Variants in CCDC88C observed in about 807,000 individuals in gnomAD.
CCDC88C encodes the protein protein Daple.
Under a neutral mutation model 198.8 loss-of-function variants are expected in CCDC88C, and 131 were observed. That is an observed-to-expected ratio of 0.66 (90% CI 0.57 to 0.76). The LOEUF (loss-of-function observed/expected upper bound fraction) is 0.76, where lower values mean the gene tolerates loss of function less well. CCDC88C is among the 30% of genes least tolerant of loss of function. The pLI, the probability that CCDC88C is intolerant of heterozygous loss-of-function variation, is 0.00. For missense variants in CCDC88C, 2,553 were observed against 2,631.6 expected, an observed-to-expected ratio of 0.97 and a Z score of 0.65; for synonymous variants, 1,166 against 1,114.7, an observed-to-expected ratio of 1.05 and a Z score of -0.92.
At chr14:91,311,885 T>C (rs762402552) in intron 15 of CCDC88C, among the ~76,000 whole-genome samples, 2 of 152,024 alleles carry the variant, frequency 1.3e-5, no homozygotes, top group Admixed American at 6.6e-5. Flanking sequence ...TGAAGGTCTA[T>C]GTATACAAGG....
chr14:91,286,670 C>G (rs1445639206), intron 25 of CCDC88C, among the ~76,000 whole-genome samples: 2 of 152,190 alleles, frequency 1.3e-5, no homozygotes, highest in Non-Finnish European at 2.9e-5. Flanking sequence ...AATAAGGGAC[C>G]AACTTATTCA....
intron 3 of CCDC88C, among the ~76,000 whole-genome samples, chr14:91,399,494 T>A (rs1159848943): frequency 6.6e-6 from 1 of 152,138 alleles, no homozygotes; most frequent in Non-Finnish European, 1.5e-5. Context: ...ACCTGTGCAT[T>A]CTCCAAATGG....
chr14:91,340,125 C>T, intron 6 of CCDC88C, 101 bp from the exon 7 acceptor site: 3 of 1,481,670 alleles, frequency 2.0e-6, no homozygotes, highest in Admixed American at 4.1e-5. Context: ...CTTACTAATC[C>T]CTCAGTGACA....
chr14:91,340,577 T>C (rs971797902), intron 6 of CCDC88C, among the ~76,000 whole-genome samples: 3 of 152,072 alleles, frequency 2.0e-5, no homozygotes, highest in Non-Finnish European at 4.4e-5. Context: ...GGAACGGAGA[T>C]ACACAGCTCT....
chr14:91,417,032 G>C, intron 1 of CCDC88C, 194 bp from the exon 2 acceptor site: 2 of 697,278 alleles, frequency 2.9e-6, no homozygotes, highest in South Asian at 3.0e-5. Flanking sequence ...CGGGGCAACA[G>C]ACACGAGACA....
intron 27 of CCDC88C, 46 bp downstream of exon 27, chr14:91,281,411 C>T: frequency 1.2e-6 from 2 of 1,613,156 alleles, no homozygotes; most frequent in Non-Finnish European, 8.5e-7. Context: ...GGATAAAAAC[C>T]AGTCTGGAAA....
chr14:91,341,477 G>T (rs1712627211), intron 6 of CCDC88C, among the ~76,000 whole-genome samples: 1 of 152,232 alleles, frequency 6.6e-6, no homozygotes, highest in Admixed American at 6.5e-5. Flanking sequence ...GCCAGCTGTG[G>T]AAGCTGGTAG....
intron 10 of CCDC88C, among the ~76,000 whole-genome samples, chr14:91,332,390 GT>G (rs1199131995): frequency 6.6e-6 from 1 of 152,160 alleles, no homozygotes; most frequent in Admixed American, 6.5e-5. Flanking sequence ...TACTCATTTT[GT>G]TTTTTCACCT....
At chr14:91,295,827 A>T (rs1370086269) in intron 22 of CCDC88C, among the ~76,000 whole-genome samples, 2 of 152,164 alleles carry the variant, frequency 1.3e-5, no homozygotes, top group East Asian at 3.8e-4. Context: ...CTGCATTTGG[A>T]GACAGGGTCC....
In CCDC88C at chr14:91,283,356, TG is replaced by T; in HGVS notation, c.4602del (p.Ile1535SerfsTer39). The T allele has an allele frequency of 6.2e-7, 1 of 1,613,132 alleles. No homozygotes were observed. The highest frequency in any genetic ancestry group is 1.7e-5 in the Admixed American group (1 of 59,938). On this transcript the variant is annotated frameshift_variant, in exon 26 of 30. Coordinates refer to ENST00000389857, the MANE Select transcript of CCDC88C (RefSeq NM_001080414.4). LOFTEE classifies it high-confidence loss of function. Reference protein sequence around the residue: ...ATTTAPSNSTPIARHPGRTKG... With the variant: ...ATTTAPSNSTXIARHPGRTKG... ...TTGGTGCGGCCTGGGTGCCGGGCGA[TG>T]GGGGTGGAGTTGGAAGGGGCTGTAG...
chr14:91,345,190 A>ATATATATATATATATTTT (rs1246878587), intron 4 of CCDC88C, among the ~76,000 whole-genome samples: 1 of 52,200 alleles, frequency 1.9e-5, no homozygotes, highest in African/African-American at 7.9e-5. Context: ...ATATATATAT[A>ATATATATATATATATTTT]TTTTTTTTTT....
intron 3 of CCDC88C, among the ~76,000 whole-genome samples, chr14:91,375,815 G>A (rs956846156): frequency 1.3e-5 from 2 of 152,124 alleles, no homozygotes; most frequent in African/African-American, 4.8e-5. Context: ...CGAGTGGGGG[G>A]CAAATGTCTC....
chr14:91,382,646 C>T (rs1389713502), intron 3 of CCDC88C, among the ~76,000 whole-genome samples: 2 of 152,168 alleles, frequency 1.3e-5, no homozygotes, highest in Admixed American at 1.3e-4. Context: ...GAAATTAAAT[C>T]TGACCTCAGC....
intron 3 of CCDC88C, among the ~76,000 whole-genome samples, chr14:91,403,257 CA>C (rs2140004766): frequency 1.3e-5 from 2 of 152,340 alleles, no homozygotes; most frequent in East Asian, 3.9e-4. Flanking sequence ...GTCCCGATCT[CA>C]CTGGATGAGA....
rs897167813 is a variant in CCDC88C at position 91,299,988 on chromosome 14, C to G, written c.3718G>C (p.Glu1240Gln). ...ATGGCGAGGGCGTTTGTCCTCTGCTCCTGCTGCAGCGCCTCTCGCTCAGTG... is the reference window on the plus strand; with the variant it reads ...ATGGCGAGGGCGTTTGTCCTCTGCTGCTGCTGCAGCGCCTCTCGCTCAGTG... Reference protein sequence around the residue: ...LTTEREALQQEQRTNALAMGE... With the variant: ...LTTEREALQQQQRTNALAMGE... Residue 1240 changes from glutamate (E) to glutamine (Q), a missense_variant, in exon 21 of 30, where the codon GAG (glutamate) becomes CAG (glutamine). Physicochemically the swap from Glu to Gln is conservative, Grantham distance 29 (BLOSUM62 2). Coordinates refer to ENST00000389857, the MANE Select transcript of CCDC88C (RefSeq NM_001080414.4). The G allele has an allele frequency of 1.9e-6, 3 of 1,596,480 alleles. No homozygotes were observed. Among genetic ancestry groups the G allele is most frequent in the Non-Finnish European group, 2.6e-6 (3 of 1,172,178 alleles).
chr14:91,383,153 C>T (rs914181805), intron 3 of CCDC88C, among the ~76,000 whole-genome samples: 32 of 152,234 alleles, frequency 2.1e-4, no homozygotes, highest in Admixed American at 1.4e-3. Flanking sequence ...CCCTATTCTC[C>T]TCACCATCTG....
intron 10 of CCDC88C, among the ~76,000 whole-genome samples, chr14:91,329,141 T>A (rs560851051): frequency 6.6e-6 from 1 of 152,314 alleles, no homozygotes; most frequent in East Asian, 1.9e-4. Context: ...TTCATGGACA[T>A]CCCTTGAACT....
Position 91,313,580 on chromosome 14 carries a change from G to C in CCDC88C, c.2236C>G (p.Leu746Val), listed in dbSNP as rs1891942792. ...GACTTCTTGCCCAGCGCCTTGAGCA[G>C]ATCCACGTTCTTCCTCAGCTCCTCC... ...EKEELRKNVD[L>V]LKALGKKSER... Residue 746 changes from leucine (L) to valine (V), a missense_variant, in exon 15 of 30, where the codon CTG (leucine) becomes GTG (valine). By Grantham distance (32) the Leu-to-Val change is conservative (BLOSUM62 1). Transcript: ENST00000389857. The surrounding 1 kb of genome is among the most constrained non-coding windows in gnomAD (Gnocchi z 5.2). 6.2e-7 allele frequency: 1 copy of C among 1,612,098 alleles called. No homozygotes were observed. The highest frequency in any genetic ancestry group is 1.3e-5 in the African/African-American group (1 of 74,938).
chr14:91,393,096 G>A (rs1227090755), intron 3 of CCDC88C, among the ~76,000 whole-genome samples: 3 of 152,150 alleles, frequency 2.0e-5, no homozygotes, highest in Non-Finnish European at 4.4e-5. Flanking sequence ...CATTTCCCAG[G>A]CACCAATCGC....
Sources: gnomAD v4.1 joint callset for allele counts (sites outside exome capture counted in the v4.1 genomes callset) on GRCh38, gnomAD v4.1.1 for gene constraint, Gnocchi (gnomAD v3.1) non-coding constraint, MANE v1.5 for transcripts, NCBI Gene and HGNC (gene_info 2026-07-23, HGNC 2026-07-21) for gene names.